CCDC148: variants seen among roughly 807,000 people sequenced by gnomAD.
CCDC148 encodes the protein coiled-coil domain containing 148.
Under a neutral mutation model 85.7 loss-of-function variants are expected in CCDC148, and 89 were observed. That is an observed-to-expected ratio of 1.04 (90% confidence interval 0.87 to 1.24). The LOEUF is 1.24. CCDC148 is among the 50% of genes most tolerant of loss of function. The pLI, the probability that CCDC148 is intolerant of heterozygous loss-of-function variation, is 0.00. For synonymous variants in CCDC148, 230 were observed against 213.9 expected, an observed-to-expected ratio of 1.08 and a Z score of -0.66; for missense variants, 692 against 671.7, an observed-to-expected ratio of 1.03 and a Z score of -0.33.
chr2:158,320,048 G>A (rs1006958610), intron 7 of CCDC148, among the ~76,000 whole-genome samples: 1 of 152,144 alleles, frequency 6.6e-6, no homozygotes, highest in Non-Finnish European at 1.5e-5. Flanking sequence ...ATTTTAAAGT[G>A]CAGTAAAGTT....
chr2:158,355,030 C>A (rs1044074181), intron 2 of CCDC148, among the ~76,000 whole-genome samples: 3 of 152,068 alleles, frequency 2.0e-5, no homozygotes, highest in Admixed American at 6.6e-5. Context: ...ATTCAACAAT[C>A]CTTCATGCTA....
At chr2:158,411,092 G>T (rs1250999661) in intron 1 of CCDC148, among the ~76,000 whole-genome samples, 1 of 152,054 alleles carries the variant, frequency 6.6e-6, no homozygotes, top group Admixed American at 6.6e-5. Flanking sequence ...TCTTATATGT[G>T]ATTCCTTTTC....
chr2:158,347,579 A>T lies in CCDC148; in HGVS notation c.148-2261T>A, dbSNP rs1683056574. On this transcript the variant is annotated intron_variant, in intron 2 of 13. Coordinates refer to ENST00000283233, the MANE Select transcript of CCDC148 (RefSeq NM_138803.4). ...ATGAAGTCAATACTTAGGGTGGATG[A>T]TAATTTGTGCAGAATGCTGACGATT... 5.3e-5 allele frequency among the ~76,000 whole-genome samples: 8 copies of T among 152,160 alleles called. No individual in the cohort carries two copies. In the South Asian group the frequency reaches 1.7e-3, roughly 31 times the overall value.
At chr2:158,217,876 C>T (rs1356240849) in intron 11 of CCDC148, among the ~76,000 whole-genome samples, 1 of 152,114 alleles carries the variant, frequency 6.6e-6, no homozygotes, top group East Asian at 1.9e-4. Flanking sequence ...GTTAAAATAT[C>T]AAACATAAGG....
rs571237803 is a variant in CCDC148, at chr2:158,340,325, C to T, written c.403G>A (p.Ala135Thr). The change falls in exon 5 of 14, where the codon GCA (alanine) becomes ACA (threonine). Residue 135 changes from alanine (A) to threonine (T), a missense_variant. Physicochemically the swap from Ala to Thr is moderately conservative, Grantham distance 58. Coordinates refer to ENST00000283233, the MANE Select transcript of CCDC148 (RefSeq NM_138803.4). ...NVINPIQQLRADLKYRQHHTL... is the reference protein window; with the variant it reads ...NVINPIQQLRTDLKYRQHHTL... ...TGATGCTGTCTGTATTTTAGATCTG[C>T]TCTCAGCTGCTGAATAGGATTTATT... is the stretch of plus-strand genomic sequence containing the variant. The T allele has an allele frequency of 6.2e-7, 1 of 1,613,850 alleles. No individual in the cohort carries two copies. Among genetic ancestry groups the T allele is most frequent in the African/African-American group, 1.3e-5 (1 of 75,008 alleles).
intron 9 of CCDC148, among the ~76,000 whole-genome samples, chr2:158,282,145 T>C (rs1453447059): frequency 6.6e-6 from 1 of 151,718 alleles, no homozygotes; most frequent in Non-Finnish European, 1.5e-5. Context: ...ATAAGAGCTA[T>C]CTATGACAAA....
At chr2:158,406,026 T>C (rs1480492669) in intron 1 of CCDC148, among the ~76,000 whole-genome samples, 1 of 152,166 alleles carries the variant, frequency 6.6e-6, no homozygotes, top group African/African-American at 2.4e-5. Context: ...TCTGCCTCCT[T>C]ATTGATCGTC....
chr2:158,286,550 A>C (rs1690633989), intron 9 of CCDC148, among the ~76,000 whole-genome samples: 1 of 152,236 alleles, frequency 6.6e-6, no homozygotes, highest in African/African-American at 2.4e-5. Flanking sequence ...TTAAAAAGAC[A>C]CTTATGAAGA....
At chr2:158,261,292 G>T (rs997103369) in intron 9 of CCDC148, among the ~76,000 whole-genome samples, 8 of 152,014 alleles carry the variant, frequency 5.3e-5, no homozygotes, top group Non-Finnish European at 1.2e-4. Context: ...TCAATAAACG[G>T]TGCTGGGATA....
intron 1 of CCDC148, among the ~76,000 whole-genome samples, chr2:158,437,406 G>C (rs539975331): frequency 6.6e-6 from 1 of 152,252 alleles, no homozygotes; most frequent in South Asian, 2.1e-4. Flanking sequence ...ATGCAGAAAA[G>C]GCCTTTGACA....
chr2:158,291,401 A>T (rs1422614589), intron 9 of CCDC148, among the ~76,000 whole-genome samples: 1 of 152,102 alleles, frequency 6.6e-6, no homozygotes, highest in East Asian at 1.9e-4. Flanking sequence ...CCCTTCTCTC[A>T]TTACACTCTG....
rs201419924 is a variant in CCDC148, at chr2:158,361,996, C to CAAA, written c.26-3429_26-3427dup. Among the ~76,000 whole-genome samples the CAAA allele has an allele frequency of 1.3e-3, 148 of 109,980 alleles. 2 individuals carry two copies. The highest frequency in any genetic ancestry group is 1.8e-3 in the African/African-American group (54 of 29,212). The allele number at this position is 109,980 out of a possible 152,430, so 72.2% of individuals were successfully genotyped here. On this transcript the variant is annotated intron_variant, in intron 1 of 13. Transcript: ENST00000283233. The stretch of plus-strand genomic sequence containing the variant: ...AATATTTACCAAGCAAATGGAAAGC[C>CAAA]AAAAAAAAAAAAAAAAACAGCAGGG...
chr2:158,351,324 C>T (rs892481854), intron 2 of CCDC148, among the ~76,000 whole-genome samples: 22 of 152,316 alleles, frequency 1.4e-4, no homozygotes, highest in African/African-American at 4.1e-4. Context: ...TCTGAGGTAC[C>T]GGGTTCATCT....
chr2:158,445,182 A>T (rs1688110389), intron 1 of CCDC148, among the ~76,000 whole-genome samples: 2 of 152,242 alleles, frequency 1.3e-5, no homozygotes, highest in South Asian at 4.1e-4. Flanking sequence ...CCAAGGCCCA[A>T]CAGTAAATCA....
intron 1 of CCDC148, among the ~76,000 whole-genome samples, chr2:158,433,822 T>G (rs1474430263): frequency 2.0e-5 from 3 of 152,196 alleles, no homozygotes; most frequent in African/African-American, 7.2e-5. Context: ...ACCAGGAGAT[T>G]ATATCCTGTG....
rs376393593 is a variant in CCDC148, at chr2:158,289,974, A to T, written c.1110+19459T>A. Among the ~76,000 whole-genome samples, 20 of 152,354 alleles carry T rather than the reference A, an allele frequency of 1.3e-4. No homozygotes were observed. The South Asian group carries it at 4.1e-3, about 32-fold the overall frequency. The stretch of plus-strand genomic sequence containing the variant: ...ACTAAATTATATTACTCAGGGATGC[A>T]TATCCAGTGATAAAACCAAGGAAAT... On this transcript the variant is annotated intron_variant, in intron 9 of 13. Coordinates refer to ENST00000283233, the MANE Select transcript of CCDC148 (RefSeq NM_138803.4).
At chr2:158,424,895 A>G (rs992035642) in intron 1 of CCDC148, 9 of 269,416 alleles carry the variant, frequency 3.3e-5, no homozygotes, top group Non-Finnish European at 5.2e-5. Context: ...ATATAGATGA[A>G]GAGCCAGTAA....
chr2:158,278,264 G>C (rs1005765043), intron 9 of CCDC148, among the ~76,000 whole-genome samples: 1 of 152,118 alleles, frequency 6.6e-6, no homozygotes, highest in Non-Finnish European at 1.5e-5. Context: ...GGGAGTGCCA[G>C]ACAGTGGGTG....
At position 158,242,789 on chromosome 2, in the gene CCDC148, G is replaced by A. The variant is rs116720820; in HGVS notation, c.1251+7983C>T. Among the ~76,000 whole-genome samples, 1,134 of 151,890 alleles carry A rather than the reference G, an allele frequency of 7.5e-3. 6 individuals are homozygous for A. The highest frequency in any genetic ancestry group is 0.025 in the African/African-American group (1,041 of 41,220). On this transcript the variant is annotated intron_variant, in intron 10 of 13. Transcript: ENST00000283233. ...TGAACCATTTAGTTATAGGTTTAAG[G>A]CCAACATATAGTTGAATAAAGGTGT...
Sources: allele counts gnomAD v4.1 joint callset (sites outside exome capture counted in the v4.1 genomes callset), GRCh38; gene constraint gnomAD v4.1.1; transcripts MANE v1.5; gene names NCBI Gene and HGNC (gene_info 2026-07-23, HGNC 2026-07-21).